HERC1: variants seen among roughly 807,000 people sequenced by gnomAD.
HERC1 encodes HECT and RLD domain containing E3 ubiquitin protein ligase family member 1.
Under a neutral mutation model 554.3 loss-of-function variants are expected in HERC1, and 160 were observed. The ratio of observed to expected loss-of-function variants is 0.29; its 90% CI spans 0.25 to 0.33. The LOEUF (loss-of-function observed/expected upper bound fraction) is 0.33, where lower values mean the gene tolerates loss of function less well. Among genes scored for constraint, HERC1 ranks in the 10% least tolerant of loss-of-function variants. HERC1 has a pLI of 1.00. For synonymous variants in HERC1, 2,175 were observed against 2,131.7 expected, an observed-to-expected ratio of 1.02 and a Z score of -0.56; for missense variants, 4,919 against 5,918.5, an observed-to-expected ratio of 0.83 and a Z score of 5.54.
Position 63,640,215 on chromosome 15 carries a change from A to T in HERC1, c.11838T>A (p.Phe3946Leu), listed in dbSNP as rs753794788. ...GATCTGGAACGGTAAAAGATTCTGG[A>T]AACTGGGCTCCATTGGTCAGGGCTT... is the stretch of plus-strand genomic sequence containing the variant. ...AAEALTNGAQ[F>L]PESFTVPDLE... is the part of the protein sequence containing the mutation. Residue 3946 changes from phenylalanine to leucine, a missense_variant, in exon 61 of 78, where the codon TTT (phenylalanine) becomes TTA (leucine). Phe to Leu is a conservative substitution (Grantham distance 22). This residue lies in a region of HERC1 where 1,963 missense variants were observed against 2,228.6 expected (regional missense o/e 0.88). Coordinates refer to ENST00000443617, the MANE Select transcript of HERC1 (RefSeq NM_003922.4). The T allele has an allele frequency of 2.2e-5, 35 of 1,613,970 alleles. No homozygotes were observed. The highest frequency in any genetic ancestry group is 2.8e-5 in the Non-Finnish European group (33 of 1,179,846).
intron 2 of HERC1, among the ~76,000 whole-genome samples, chr15:63,773,602 G>A (rs1209413652): frequency 3.3e-5 from 5 of 151,180 alleles, no homozygotes; most frequent in Admixed American, 6.6e-5. Flanking sequence ...GGAGTGTTGT[G>A]GCATGATCTC....
In HERC1 at chr15:63,662,893, T is replaced by C. The variant is rs562141568; in HGVS notation, c.8901+91A>G. On this transcript the variant is annotated intron_variant, in intron 44 of 77. Transcript: ENST00000443617. ...TGAGATAAAAGACTTTTTAGAGTGT[T>C]TCAACTCTAGGCAAGGCTGCTGTTA... The C allele has an allele frequency of 3.3e-5, 32 of 956,208 alleles. No individual in the cohort carries two copies. The Middle Eastern group carries it at 1.4e-3, about 42-fold the overall frequency. 59.2% of individuals were successfully genotyped at this position (956,208 alleles called of 1,614,324 possible).
intron 73 of HERC1, among the ~76,000 whole-genome samples, chr15:63,623,126 G>T (rs1187714645): frequency 2.0e-5 from 3 of 152,212 alleles, no homozygotes; most frequent in Non-Finnish European, 4.4e-5. Context: ...AGTCAATCCA[G>T]GGCAGGAGTA....
At chr15:63,729,173 G>A (rs1369307243) in intron 16 of HERC1, 63 bp downstream of exon 16, 3 of 1,435,478 alleles carry the variant, frequency 2.1e-6, no homozygotes, top group African/African-American at 2.8e-5. Flanking sequence ...TTAAGACTTT[G>A]GAAAGCCAAG....
chr15:63,810,080 T>G (rs544827772), intron 1 of HERC1, among the ~76,000 whole-genome samples: 1 of 152,296 alleles, frequency 6.6e-6, no homozygotes, highest in African/African-American at 2.4e-5. Flanking sequence ...GATCTACAAT[T>G]ATTTGGAATG....
rs1422726242 is a variant in HERC1, at chr15:63,641,776, C to A, written c.11434-133G>T. 2.3e-5 allele frequency: 16 copies of A among 699,440 alleles called. No homozygotes were observed. In the East Asian group the frequency reaches 4.0e-4, roughly 18 times the overall value. The allele number at this position is 699,440 out of a possible 1,614,324, so 43.3% of individuals were successfully genotyped here. A position where few individuals can be genotyped will look rare whatever the true frequency, so the allele number is the denominator to read the frequency against. ...TTTGGATATTTTATATCCAAAAAGG[C>A]TATGCTTTTAATGCCTATGGAACTT... On this transcript the variant is annotated intron_variant, in intron 59 of 77. Transcript: ENST00000443617.
chr15:63,775,112 G>C lies in HERC1; in HGVS notation c.512C>G (p.Ala171Gly), dbSNP rs1406820744. 1.2e-6 allele frequency: 2 copies of C among 1,613,936 alleles called. No homozygotes were observed. Among genetic ancestry groups the C allele is most frequent in the Non-Finnish European group, 8.5e-7 (1 of 1,179,884 alleles). Residue 171 changes from alanine (A) to glycine (G), a missense_variant, in exon 2 of 78, where the codon GCG (alanine) becomes GGG (glycine). This residue lies in a region of HERC1 where 744 missense variants were observed against 1,090.0 expected (regional missense o/e 0.68). Transcript: ENST00000443617. The surrounding 1 kb of genome is among the most constrained non-coding windows in gnomAD (Gnocchi z 4.0). ...GVRTGLSLLF[A>G]LLRQSWMMPV... The stretch of plus-strand genomic sequence containing the variant: ...CATCATCCAACTTTGTCTTAGAAGC[G>C]CAAATAATAAACTTAGACCAGTTCG...
intron 74 of HERC1, among the ~76,000 whole-genome samples, chr15:63,618,621 C>G (rs2067930169): frequency 6.6e-6 from 1 of 152,152 alleles, no homozygotes; most frequent in African/African-American, 2.4e-5. Flanking sequence ...GATATTGATT[C>G]TTCCTACCCA....
chr15:63,741,133 A>C (rs1332130781), intron 12 of HERC1, among the ~76,000 whole-genome samples: 1 of 151,496 alleles, frequency 6.6e-6, no homozygotes, highest in Non-Finnish European at 1.5e-5. Context: ...GGTTCAAGCA[A>C]TTCTTCTGCC....
chr15:63,753,938 C>T (rs2075334490), intron 7 of HERC1, among the ~76,000 whole-genome samples: 1 of 152,116 alleles, frequency 6.6e-6, no homozygotes, highest in Admixed American at 6.6e-5. Flanking sequence ...CTTTGGGAGA[C>T]TAAATCTGGC....
chr15:63,616,522 C>T lies in HERC1; in HGVS notation c.13849G>A (p.Asp4617Asn). The change falls in exon 75 of 78, where the codon GAC (aspartate) becomes AAC (asparagine). Residue 4617 changes from aspartate (D) to asparagine (N), a missense_variant. Coordinates refer to ENST00000443617, the MANE Select transcript of HERC1 (RefSeq NM_003922.4). ...QLCCVPLTLE[D>N]LEEVDLLYVQ... ...TAGAGCAGATCCACCTCCTCCAGGT[C>T]CTCTAGGGTGAGTGGGACACAGCAC... 1 of 1,613,988 alleles carries T rather than the reference C, an allele frequency of 6.2e-7. No homozygotes were observed. The highest frequency in any genetic ancestry group is 8.5e-7 in the Non-Finnish European group (1 of 1,179,892).
chr15:63,802,970 G>A (rs1386135824), intron 1 of HERC1, among the ~76,000 whole-genome samples: 1 of 152,166 alleles, frequency 6.6e-6, no homozygotes. Context: ...AACACTTCGG[G>A]AGGCCAAGGT....
chr15:63,764,034 A>G, intron 3 of HERC1, 62 bp downstream of exon 3: 1 of 1,118,750 alleles, frequency 8.9e-7, no homozygotes, highest in Non-Finnish European at 1.3e-6. Context: ...TTTAAGGGAT[A>G]AATACATGCC....
chr15:63,631,482 C>A (rs749624815), intron 68 of HERC1, among the ~76,000 whole-genome samples: 4 of 152,222 alleles, frequency 2.6e-5, no homozygotes, highest in Non-Finnish European at 5.9e-5. Context: ...ACTGCCCTGG[C>A]TCATCAGTGA....
At chr15:63,690,707 ACTTCTGGG>A in intron 31 of HERC1, 60 bp from the exon 32 acceptor site, 1 of 1,091,182 alleles carries the variant, frequency 9.2e-7, no homozygotes, top group Admixed American at 2.1e-5. Context: ...GTTAAAATGA[ACTTCTGGG>A]AAAAAAATTC....
chr15:63,829,561 G>GTGTGTGTATATATATA (rs1220043639), intron 1 of HERC1, among the ~76,000 whole-genome samples: 44 of 81,720 alleles, frequency 5.4e-4, no homozygotes, highest in Middle Eastern at 6.4e-3. Context: ...GTGTGTGTGT[G>GTGTGTGTATATATATA]TATATATATA....
chr15:63,735,834 TGTCCTCC>T (rs1301251768), intron 12 of HERC1, among the ~76,000 whole-genome samples: 1 of 152,254 alleles, frequency 6.6e-6, no homozygotes, highest in African/African-American at 2.4e-5. Flanking sequence ...CAAAAGCATG[TGTCCTCC>T]AACACAGTTA....
chr15:63,776,528 A>G (rs2143003313), intron 1 of HERC1, among the ~76,000 whole-genome samples: 1 of 152,350 alleles, frequency 6.6e-6, no homozygotes, highest in African/African-American at 2.4e-5. Flanking sequence ...AAGAAAACAT[A>G]AGACCATAAA....
At chr15:63,610,421 A>G (rs1422360492) in intron 77 of HERC1, among the ~76,000 whole-genome samples, 1 of 152,246 alleles carries the variant, frequency 6.6e-6, no homozygotes, top group Non-Finnish European at 1.5e-5. Flanking sequence ...TGATGCTGAC[A>G]ACCCTGAGAC....
Sources: gnomAD v4.1 joint callset for allele counts (sites outside exome capture counted in the v4.1 genomes callset) on GRCh38, gnomAD v4.1.1 for gene constraint, gnomAD v4.1.1 regional missense constraint, Gnocchi (gnomAD v3.1) non-coding constraint, MANE v1.5 for transcripts, NCBI Gene and HGNC (gene_info 2026-07-23, HGNC 2026-07-21) for gene names.